NALF1: variants seen among roughly 807,000 people sequenced by gnomAD.
NALF1 encodes family with sequence similarity 155 member A.
Under a neutral mutation model 48.4 loss-of-function variants are expected in NALF1, and 3 were observed. The ratio of observed to expected loss-of-function variants is 0.06; its 90% CI spans 0.03 to 0.16. NALF1 has a LOEUF of 0.16. Among genes scored for constraint, NALF1 ranks in the 10% least tolerant of loss-of-function variants. The pLI, the probability that NALF1 is intolerant of heterozygous loss-of-function variation, is 1.00. For missense variants in NALF1, 526 were observed against 571.5 expected (o/e 0.92, Z 0.81); for synonymous variants, 262 against 245.7 (o/e 1.07, Z -0.62).
At chr13:107,612,908 C>T (rs949611723) in intron 1 of NALF1, among the ~76,000 whole-genome samples, 3 of 151,930 alleles carry the variant, frequency 2.0e-5, no homozygotes, top group Non-Finnish European at 2.9e-5. Context: ...ACATACACCT[C>T]TATTCACAGC....
intron 1 of NALF1, among the ~76,000 whole-genome samples, chr13:107,547,867 C>T (rs983545097): frequency 1.3e-5 from 2 of 152,050 alleles, no homozygotes; most frequent in African/African-American, 4.8e-5. Context: ...AGAAGGGTTG[C>T]GACTGCAAGA....
chr13:107,438,840 A>AAAAAAAAAAAAAAAAAAAAAAAAAAAG (rs1884506878), intron 1 of NALF1, among the ~76,000 whole-genome samples: 1 of 147,498 alleles, frequency 6.8e-6, no homozygotes, highest in Non-Finnish European at 1.5e-5. Flanking sequence ...AAAAAAAAAA[A>AAAAAAAAAAAAAAAAAAAAAAAAAAAG]AAAAAAAAAA....
intron 1 of NALF1, among the ~76,000 whole-genome samples, chr13:107,328,473 C>T (rs1425461280): frequency 3.3e-5 from 5 of 152,124 alleles, no homozygotes; most frequent in Non-Finnish European, 7.4e-5. Context: ...AACTTAAACT[C>T]CAAAGTGCAA....
At chr13:107,403,870 G>A (rs965435046) in intron 1 of NALF1, among the ~76,000 whole-genome samples, 1 of 151,912 alleles carries the variant, frequency 6.6e-6, no homozygotes, top group African/African-American at 2.4e-5. Context: ...TCACAAGATT[G>A]TTTTTGTCCA....
intron 1 of NALF1, among the ~76,000 whole-genome samples, chr13:107,647,549 A>G (rs138838934): frequency 4.6e-5 from 7 of 152,112 alleles, no homozygotes; most frequent in African/African-American, 1.7e-4. Context: ...TAACAATCCC[A>G]TGAAACCTTA....
chr13:107,264,592 G>T (rs9558981), intron 1 of NALF1, among the ~76,000 whole-genome samples: 2 of 152,220 alleles, frequency 1.3e-5, no homozygotes, highest in African/African-American at 4.8e-5. Flanking sequence ...GCCCTTTGCA[G>T]CAACCTTCAC....
chr13:107,840,093 C>A (rs1301834444), intron 1 of NALF1, among the ~76,000 whole-genome samples: 1 of 152,108 alleles, frequency 6.6e-6, no homozygotes, highest in Non-Finnish European at 1.5e-5. Flanking sequence ...AATGCCACTG[C>A]GATATGTATT....
chr13:107,283,333 C>T (rs962067072), intron 1 of NALF1, among the ~76,000 whole-genome samples: 2 of 152,088 alleles, frequency 1.3e-5, no homozygotes, highest in South Asian at 2.1e-4. Context: ...AGTACGGCAG[C>T]TCCAGACTCC....
chr13:107,736,230 C>T (rs1459040322), intron 1 of NALF1, among the ~76,000 whole-genome samples: 4 of 145,340 alleles, frequency 2.8e-5, no homozygotes, highest in Non-Finnish European at 6.1e-5. Flanking sequence ...CACACGCGCG[C>T]GTGTACCTAA....
At chr13:107,341,044 ACCGCCCCCG>A (rs1882670684) in intron 1 of NALF1, among the ~76,000 whole-genome samples, 2 of 140,020 alleles carry the variant, frequency 1.4e-5, no homozygotes, top group South Asian at 4.5e-4. Context: ...ATCACCCCCC[ACCGCCCCCG>A]CCGCCCCGAA....
chr13:107,784,122 T>C (rs1023736186), intron 1 of NALF1, among the ~76,000 whole-genome samples: 1 of 152,148 alleles, frequency 6.6e-6, no homozygotes, highest in Non-Finnish European at 1.5e-5. Flanking sequence ...TCAGGAACAC[T>C]TGTACACAAT....
chr13:107,708,371 A>G (rs1425933825), intron 1 of NALF1, among the ~76,000 whole-genome samples: 3 of 152,154 alleles, frequency 2.0e-5, no homozygotes, highest in African/African-American at 7.2e-5. Context: ...CTCCATTCCT[A>G]ACAAATGCAG....
chr13:107,299,942 C>G (rs7319645), intron 1 of NALF1, among the ~76,000 whole-genome samples: 346 of 152,236 alleles, frequency 2.3e-3, no homozygotes, highest in African/African-American at 8.0e-3. Flanking sequence ...TTGCCCCGAC[C>G]TGAGCATCAG....
intron 1 of NALF1, among the ~76,000 whole-genome samples, chr13:107,798,273 C>T (rs1440160006): frequency 6.6e-6 from 1 of 152,096 alleles, no homozygotes; most frequent in Non-Finnish European, 1.5e-5. Flanking sequence ...TCAGAGGGCA[C>T]AATTAGTAAA....
At chr13:107,557,074 T>G (rs1006062602) in intron 1 of NALF1, among the ~76,000 whole-genome samples, 2 of 152,206 alleles carry the variant, frequency 1.3e-5, no homozygotes, top group Admixed American at 6.5e-5. Flanking sequence ...AGCAGTTTAA[T>G]CAGATTTTTA....
intron 1 of NALF1, among the ~76,000 whole-genome samples, chr13:107,339,834 G>A (rs935972866): frequency 2.0e-5 from 3 of 152,044 alleles, no homozygotes; most frequent in African/African-American, 4.8e-5. Flanking sequence ...AAGATATTGT[G>A]TTTCCGACCT....
At position 107,557,946 on chromosome 13, in the gene NALF1, G is replaced by A. The variant is rs542566041; in HGVS notation, c.915+307736C>T. 9.7e-4 allele frequency among the ~76,000 whole-genome samples: 148 copies of A among 152,172 alleles called. 1 individual carries two copies. Among genetic ancestry groups the A allele is most frequent in the South Asian group, 5.6e-3 (27 of 4,816 alleles). ...CCGTGTCTGTGCACTAATGTTGTGC[G>A]TTGGTATTCTTGTGGGATGTGTCAC... On this transcript the variant is annotated intron_variant, in intron 1 of 2. Coordinates refer to ENST00000375915, the MANE Select transcript of NALF1 (RefSeq NM_001080396.3).
chr13:107,558,843 C>A (rs530001119), intron 1 of NALF1, among the ~76,000 whole-genome samples: 7 of 152,262 alleles, frequency 4.6e-5, no homozygotes, highest in East Asian at 3.9e-4. Context: ...GAAGAGCGAG[C>A]TCTCTTTCCT....
intron 1 of NALF1, among the ~76,000 whole-genome samples, chr13:107,599,913 G>C (rs1012991758): frequency 6.6e-6 from 1 of 151,994 alleles, no homozygotes; most frequent in Admixed American, 6.6e-5. Flanking sequence ...TGTGTACAAC[G>C]AGTCATATTT....
Sources: allele counts gnomAD v4.1 joint callset (sites outside exome capture counted in the v4.1 genomes callset), GRCh38; gene constraint gnomAD v4.1.1; transcripts MANE v1.5; gene names NCBI Gene and HGNC (gene_info 2026-07-23, HGNC 2026-07-21).